BAIAP2: variants seen among roughly 807,000 people sequenced by gnomAD.
BAIAP2 encodes BAR/IMD domain containing adaptor protein 2.
BAIAP2 carries 18 observed loss-of-function variants against 63.0 expected under a neutral mutation model. The ratio of observed to expected loss-of-function variants is 0.29; its 90% CI spans 0.20 to 0.42. The LOEUF is 0.42. BAIAP2 is among the 10% of genes least tolerant of loss of function. The pLI is 1.00. For synonymous variants in BAIAP2, 386 were observed against 307.6 expected, an observed-to-expected ratio of 1.25 and a Z score of -2.67; for missense variants, 610 against 734.3, an observed-to-expected ratio of 0.83 and a Z score of 1.96.
chr17:81,051,847 A>G (rs1042274167), intron 1 of BAIAP2, among the ~76,000 whole-genome samples: 7 of 151,664 alleles, frequency 4.6e-5, no homozygotes, highest in Non-Finnish European at 8.8e-5. Context: ...GCACCACCAC[A>G]CCCAGCTAAT....
At chr17:81,074,547 ATG>A (rs1464289803) in intron 3 of BAIAP2, among the ~76,000 whole-genome samples, 2 of 147,708 alleles carry the variant, frequency 1.4e-5, no homozygotes, top group Admixed American at 6.7e-5. Context: ...ACGTGCACAG[ATG>A]TGTGAGTGCC....
chr17:81,086,589 G>A lies in BAIAP2; in HGVS notation c.489+9G>A, dbSNP rs371413726. ...CGGACAAGGAGCTGCAGGTAGGCCC[G>A]CCACCCCCGCTGTGGTGCCTCTCCT... is the stretch of plus-strand genomic sequence containing the variant. On this transcript the variant is annotated intron_variant, in intron 6 of 13. Coordinates refer to ENST00000428708, the MANE Select transcript of BAIAP2 (RefSeq NM_001144888.2). The A allele has an allele frequency of 5.0e-6, 8 of 1,612,158 alleles. No homozygotes were observed. Among genetic ancestry groups the A allele is most frequent in the South Asian group, 2.2e-5 (2 of 91,024 alleles).
chr17:81,054,552 C>T (rs533634092), intron 2 of BAIAP2, among the ~76,000 whole-genome samples: 6 of 152,264 alleles, frequency 3.9e-5, no homozygotes, highest in Admixed American at 6.5e-5. Flanking sequence ...CATCTAGAGA[C>T]GGGAGGGGTG....
chr17:81,074,204 T>C (rs192065491), intron 3 of BAIAP2, among the ~76,000 whole-genome samples: 4 of 152,324 alleles, frequency 2.6e-5, no homozygotes, highest in Admixed American at 2.6e-4. Context: ...AGCTGCAGTA[T>C]TGGGGGCAGG....
At position 81,116,637 on chromosome 17, in the gene BAIAP2, G is replaced by A; in HGVS notation, c.*798G>A. 1 of 399,322 alleles carries A rather than the reference G, an allele frequency of 2.5e-6. No individual in the cohort carries two copies. The allele number at this position is 399,322 out of a possible 1,614,324, so 24.7% of individuals were successfully genotyped here. A position where few individuals can be genotyped will look rare whatever the true frequency, so the allele number is the denominator to read the frequency against. Reference sequence around the variant, plus strand: ...GGGGTCTGCCCCAGGACTCCTGGGTGGACCTCCCCCCCCCACCTCCGCTGA... The same window carrying A: ...GGGGTCTGCCCCAGGACTCCTGGGTAGACCTCCCCCCCCCACCTCCGCTGA... On this transcript the variant is annotated 3_prime_UTR_variant, in exon 14 of 14. Coordinates refer to ENST00000428708, the MANE Select transcript of BAIAP2 (RefSeq NM_001144888.2).
intron 1 of BAIAP2, among the ~76,000 whole-genome samples, chr17:81,051,821 C>T (rs559900530): frequency 3.3e-5 from 5 of 152,318 alleles, no homozygotes; most frequent in East Asian, 1.9e-4. Flanking sequence ...TCCTGAGTAG[C>T]TGGGACTACA....
At chr17:81,085,629 T>A (rs762842292) in intron 4 of BAIAP2, 25 bp from the exon 5 acceptor site, 3 of 1,604,628 alleles carry the variant, frequency 1.9e-6, no homozygotes, top group East Asian at 2.2e-5. Flanking sequence ...AGCTGACGGC[T>A]GATGTGTTTT....
chr17:81,104,413 G>A, intron 9 of BAIAP2, 101 bp from the exon 10 acceptor site: 1 of 1,310,666 alleles, frequency 7.6e-7, no homozygotes, highest in Non-Finnish European at 1.0e-6. Flanking sequence ...TACCCACCTG[G>A]GGCACAGGCG....
At chr17:81,058,769 G>A (rs148532513) in intron 3 of BAIAP2, among the ~76,000 whole-genome samples, 2 of 152,308 alleles carry the variant, frequency 1.3e-5, no homozygotes, top group East Asian at 1.9e-4. Flanking sequence ...CCCCGTGGCC[G>A]CCAATCTGGG....
chr17:81,041,419 G>T (rs1459340992), intron 1 of BAIAP2, among the ~76,000 whole-genome samples: 1 of 152,206 alleles, frequency 6.6e-6, no homozygotes, highest in African/African-American at 2.4e-5. Flanking sequence ...TGGGCCATGA[G>T]GTGCTGGGGA....
intron 3 of BAIAP2, among the ~76,000 whole-genome samples, chr17:81,058,749 T>C (rs2050047117): frequency 1.3e-5 from 2 of 152,236 alleles, no homozygotes; most frequent in Admixed American, 1.3e-4. Context: ...GCGCTCACTC[T>C]TGACCGTCTC....
intron 1 of BAIAP2, among the ~76,000 whole-genome samples, chr17:81,052,016 C>G (rs938839899): frequency 1.4e-4 from 21 of 152,210 alleles, no homozygotes; most frequent in Non-Finnish European, 2.1e-4. Flanking sequence ...ATGTAGCTGG[C>G]CCATCGTTCT....
chr17:81,048,459 C>T (rs1354359447), intron 1 of BAIAP2, among the ~76,000 whole-genome samples: 5 of 151,758 alleles, frequency 3.3e-5, no homozygotes, highest in South Asian at 4.2e-4. Flanking sequence ...GGCAGAGGTC[C>T]TTTCTGTAAA....
At position 81,108,563 on chromosome 17, in the gene BAIAP2, G is replaced by A. The variant is rs538901397; in HGVS notation, c.1535+54G>A. 6.5e-5 allele frequency: 104 copies of A among 1,606,692 alleles called. 1 individual carries two copies. The South Asian group carries it at 6.6e-4, about 10-fold the overall frequency. ...GACCGTGGGTGGGTGTGAAGAGGCC[G>A]GGTGGGGCAGGTCCCTCTGCTAGGA... On this transcript the variant is annotated intron_variant, in intron 13 of 13. Coordinates refer to ENST00000428708, the MANE Select transcript of BAIAP2 (RefSeq NM_001144888.2).
At chr17:81,109,906 T>G (rs1013180723) in intron 13 of BAIAP2, 2 of 985,086 alleles carry the variant, frequency 2.0e-6, no homozygotes, top group Admixed American at 1.2e-4. Context: ...CGGGCCCGGC[T>G]GGGGGAGGGC....
intron 1 of BAIAP2, among the ~76,000 whole-genome samples, chr17:81,050,919 G>A (rs1291049011): frequency 4.6e-5 from 7 of 151,692 alleles, no homozygotes; most frequent in African/African-American, 1.7e-4. Flanking sequence ...TTTCCCGACC[G>A]CCTTCACCGC....
chr17:81,071,094 C>T (rs1184337851), intron 3 of BAIAP2, among the ~76,000 whole-genome samples: 3 of 104,990 alleles, frequency 2.9e-5, no homozygotes, highest in Non-Finnish European at 6.5e-5. Flanking sequence ...GCAACACAGA[C>T]ATTGATTTTT....
At chr17:81,042,688 G>A (rs982849521) in intron 1 of BAIAP2, among the ~76,000 whole-genome samples, 3 of 151,960 alleles carry the variant, frequency 2.0e-5, no homozygotes, top group Non-Finnish European at 4.4e-5. Flanking sequence ...TGCCTGTGCC[G>A]GAAAACAGCG....
At position 81,051,210 on chromosome 17, in the gene BAIAP2, G is replaced by A. The variant is rs531816344; in HGVS notation, c.55-2458G>A. Among the ~76,000 whole-genome samples the A allele has an allele frequency of 4.6e-5, 7 of 151,954 alleles. No homozygotes were observed. The South Asian group carries it at 1.2e-3, about 27-fold the overall frequency. ...CCGTCCCTTTAGGACAGAGGCCTGC[G>A]TGGTACGTGCCTCTCTGCTCCAGCA... On this transcript the variant is annotated intron_variant, in intron 1 of 13. Transcript: ENST00000428708.
Sources: allele counts gnomAD v4.1 joint callset (sites outside exome capture counted in the v4.1 genomes callset), GRCh38; gene constraint gnomAD v4.1.1; transcripts MANE v1.5; gene names NCBI Gene and HGNC (gene_info 2026-07-23, HGNC 2026-07-21).